The following DNAJC15 variants were observed in gnomAD, a reference collection of about 807,000 sequenced individuals.
DNAJC15 encodes the protein DnaJ heat shock protein family (Hsp40) member C15.
Under a neutral mutation model 22.4 loss-of-function variants are expected in DNAJC15, and 27 were observed. The ratio of observed to expected loss-of-function variants is 1.20; its 90% CI spans 0.89 to 1.66. DNAJC15 has a LOEUF of 1.66. DNAJC15 is among the 40% of genes most tolerant of loss of function. The pLI, the probability that DNAJC15 is intolerant of heterozygous loss-of-function variation, is 0.00. For synonymous variants in DNAJC15, 79 were observed against 63.2 expected, an observed-to-expected ratio of 1.25 and a Z score of -1.19; for missense variants, 208 against 187.1, an observed-to-expected ratio of 1.11 and a Z score of -0.65.
At chr13:43,069,840 G>A (rs17064128) in intron 3 of DNAJC15, among the ~76,000 whole-genome samples, 2,054 of 152,126 alleles carry the variant, frequency 0.014, 45 homozygotes, top group African/African-American at 0.044. Flanking sequence ...AATTAAACAG[G>A]GAAAGTAAGT....
chr13:43,036,912 C>T (rs922603233), intron 1 of DNAJC15, among the ~76,000 whole-genome samples: 8 of 152,332 alleles, frequency 5.3e-5, no homozygotes, highest in South Asian at 2.1e-4. Context: ...TGCCGTGAGT[C>T]GGGAGAGGCC....
intron 3 of DNAJC15, 126 bp from the exon 4 acceptor site, chr13:43,078,486 C>A: frequency 1.6e-6 from 1 of 607,840 alleles, no homozygotes; most frequent in Non-Finnish European, 2.8e-6. Context: ...TGCTTCCCCC[C>A]GCCCCATAAT....
intron 1 of DNAJC15, among the ~76,000 whole-genome samples, chr13:43,060,369 A>G (rs2040552721): frequency 6.6e-6 from 1 of 152,200 alleles, no homozygotes; most frequent in Non-Finnish European, 1.5e-5. Flanking sequence ...GTATGAACTG[A>G]GAAAGTAAAC....
chr13:43,075,127 C>G (rs1192245666), intron 3 of DNAJC15, among the ~76,000 whole-genome samples: 1 of 152,054 alleles, frequency 6.6e-6, no homozygotes, highest in Non-Finnish European at 1.5e-5. Context: ...TGCACCCAGC[C>G]CCACATGTTA....
chr13:43,023,820 TTG>T, intron 1 of DNAJC15, 86 bp downstream of exon 1: 5 of 1,250,664 alleles, frequency 4.0e-6, no homozygotes, highest in Non-Finnish European at 5.6e-6. Flanking sequence ...CCTTGAACCT[TTG>T]TACTCCCCCG....
At chr13:43,079,379 A>G (rs2040651073) in intron 4 of DNAJC15, among the ~76,000 whole-genome samples, 1 of 152,174 alleles carries the variant, frequency 6.6e-6, no homozygotes, top group Non-Finnish European at 1.5e-5. Context: ...ATGTTTTGAT[A>G]TCTTGTAAAT....
At chr13:43,049,598 T>C (rs2040493566) in intron 1 of DNAJC15, among the ~76,000 whole-genome samples, 1 of 152,218 alleles carries the variant, frequency 6.6e-6, no homozygotes, top group South Asian at 2.1e-4. Context: ...TTAGATGTTA[T>C]TTTATTTTTA....
At chr13:43,069,903 T>C (rs2153440994) in intron 3 of DNAJC15, among the ~76,000 whole-genome samples, 1 of 152,304 alleles carries the variant, frequency 6.6e-6, no homozygotes, top group East Asian at 1.9e-4. Context: ...AACTACCTAC[T>C]TTATATATGT....
chr13:43,084,071 C>A (rs866148058), intron 4 of DNAJC15, among the ~76,000 whole-genome samples: 1 of 152,186 alleles, frequency 6.6e-6, no homozygotes, highest in Non-Finnish European at 1.5e-5. Context: ...CAAGGATTGA[C>A]AGCTGATAGC....
chr13:43,041,047 T>G (rs2040451406), intron 1 of DNAJC15, among the ~76,000 whole-genome samples: 1 of 152,156 alleles, frequency 6.6e-6, no homozygotes, highest in Non-Finnish European at 1.5e-5. Flanking sequence ...CAAAGAGGCG[T>G]TCCTTCCTCT....
chr13:43,078,579 C>T (rs1360145141), intron 3 of DNAJC15, 33 bp from the exon 4 acceptor site: 1 of 1,588,160 alleles, frequency 6.3e-7, no homozygotes, highest in Non-Finnish European at 8.6e-7. Flanking sequence ...ATACGTGGAA[C>T]TAATGATTTC....
intron 1 of DNAJC15, among the ~76,000 whole-genome samples, chr13:43,030,951 A>G (rs1000845617): frequency 1.3e-5 from 2 of 152,242 alleles, no homozygotes; most frequent in African/African-American, 4.8e-5. Context: ...ATCAGAGAAA[A>G]CTGTGAAAAG....
chr13:43,037,619 T>A (rs1054772539), intron 1 of DNAJC15, among the ~76,000 whole-genome samples: 2 of 152,184 alleles, frequency 1.3e-5, no homozygotes, highest in Non-Finnish European at 2.9e-5. Flanking sequence ...TAACCTTTAT[T>A]TTTACCTCCT....
chr13:43,097,048 G>A (rs564179834), intron 5 of DNAJC15, among the ~76,000 whole-genome samples: 1 of 152,328 alleles, frequency 6.6e-6, no homozygotes, highest in East Asian at 1.9e-4. Flanking sequence ...TCGCCACTAA[G>A]TTTTGGGGTG....
At chr13:43,096,891 C>G (rs1418624462) in intron 5 of DNAJC15, among the ~76,000 whole-genome samples, 2 of 152,210 alleles carry the variant, frequency 1.3e-5, no homozygotes, top group Admixed American at 6.5e-5. Context: ...AGACTAAGCT[C>G]TCCTCCTGAC....
chr13:43,069,370 A>G (rs1365086842), intron 3 of DNAJC15, among the ~76,000 whole-genome samples: 2 of 152,210 alleles, frequency 1.3e-5, no homozygotes, highest in Non-Finnish European at 2.9e-5. Context: ...CAAAGAAGAC[A>G]TGGTTCTTGT....
intron 1 of DNAJC15, among the ~76,000 whole-genome samples, chr13:43,042,022 G>GT (rs1566202026): frequency 6.6e-6 from 1 of 152,154 alleles, no homozygotes; most frequent in African/African-American, 2.4e-5. Context: ...ATGGTTGGAT[G>GT]TTTACTTAAT....
intron 1 of DNAJC15, among the ~76,000 whole-genome samples, chr13:43,027,442 G>A (rs1297253967): frequency 1.3e-5 from 2 of 151,952 alleles, no homozygotes; most frequent in Non-Finnish European, 2.9e-5. Flanking sequence ...AGTGTAACAT[G>A]TAAAAAAAAC....
In DNAJC15 at chr13:43,108,868, C is replaced by G. The variant is rs1026918668; in HGVS notation, c.*1620C>G. 1 of 152,082 alleles carries G rather than the reference C, an allele frequency of 6.6e-6. No individual in the cohort carries two copies. Among genetic ancestry groups the G allele is most frequent in the Non-Finnish European group, 1.5e-5 (1 of 68,012 alleles). 9.4% of individuals were successfully genotyped at this position (152,082 alleles called of 1,614,324 possible). A position where few individuals can be genotyped will look rare whatever the true frequency, so the allele number is the denominator to read the frequency against. ...ATGATCCTGAATTAAATTGATGGAA[C>G]CTTGAAGTCGATAAAATATATTTCT... On this transcript the variant is annotated 3_prime_UTR_variant, in exon 6 of 6. Transcript: ENST00000379221.
Sources: gnomAD v4.1 joint callset for allele counts (sites outside exome capture counted in the v4.1 genomes callset) on GRCh38, gnomAD v4.1.1 for gene constraint, MANE v1.5 for transcripts, NCBI Gene and HGNC (gene_info 2026-07-23, HGNC 2026-07-21) for gene names.